The following IQSEC1 variants were observed in gnomAD, a reference collection of about 807,000 sequenced individuals.
IQSEC1 encodes IQ motif and Sec7 domain ArfGEF 1, also known as IQ motif and SEC7 domain-containing protein 1.
A neutral mutation model predicts 91.0 loss-of-function variants in IQSEC1; 31 were observed. The ratio of observed to expected loss-of-function variants is 0.34; its 90% CI spans 0.26 to 0.46. IQSEC1 has a LOEUF of 0.46. Ranked by LOEUF, IQSEC1 falls within the 20% of genes least tolerant of loss-of-function variation. The pLI, the probability that IQSEC1 is intolerant of heterozygous loss-of-function variation, is 1.00. For synonymous variants in IQSEC1, 699 were observed against 662.6 expected (o/e 1.05, Z -0.84); for missense variants, 1,388 against 1,575.6 (o/e 0.88, Z 2.02).
At chr3:12,954,549 A>G (rs1699777048) in intron 1 of IQSEC1, among the ~76,000 whole-genome samples, 1 of 152,122 alleles carries the variant, frequency 6.6e-6, no homozygotes, top group African/African-American at 2.4e-5. Flanking sequence ...TGCAGGGACC[A>G]TCTCCCCAGA....
chr3:13,081,857 T>C (rs1705651805), intron 2 of IQSEC1, among the ~76,000 whole-genome samples: 2 of 152,182 alleles, frequency 1.3e-5, no homozygotes, highest in African/African-American at 4.8e-5. Flanking sequence ...GGTCCTCCCG[T>C]TCACAGAGGG....
chr3:13,200,784 G>T (rs147537013), intron 1 of IQSEC1, among the ~76,000 whole-genome samples: 30 of 152,350 alleles, frequency 2.0e-4, no homozygotes, highest in African/African-American at 7.0e-4. Flanking sequence ...CTCTTGATCA[G>T]TTACTGCCTT....
intron 2 of IQSEC1, among the ~76,000 whole-genome samples, chr3:13,128,871 T>C (rs1158271410): frequency 3.4e-5 from 4 of 116,342 alleles, no homozygotes; most frequent in Non-Finnish European, 6.9e-5. Flanking sequence ...AGCAAGACTC[T>C]GTCTCAAAAA....
At chr3:13,208,872 G>T (rs1252477127) in intron 1 of IQSEC1, among the ~76,000 whole-genome samples, 1 of 152,200 alleles carries the variant, frequency 6.6e-6, no homozygotes, top group Non-Finnish European at 1.5e-5. Context: ...AGTGCCTGGG[G>T]GTTGCCCCGG....
chr3:13,190,566 A>G (rs1388669975), intron 1 of IQSEC1, among the ~76,000 whole-genome samples: 1 of 151,830 alleles, frequency 6.6e-6, no homozygotes, highest in East Asian at 1.9e-4. Context: ...AAAAAAAAAA[A>G]ACAGATAAAG....
intron 1 of IQSEC1, among the ~76,000 whole-genome samples, chr3:13,013,426 C>T (rs1702979855): frequency 6.6e-6 from 1 of 152,142 alleles, no homozygotes; most frequent in Non-Finnish European, 1.5e-5. Flanking sequence ...ATGAGCTCAC[C>T]CTTGCATGCA....
In IQSEC1 at chr3:12,936,293, G is replaced by A. The variant is rs146221387; in HGVS notation, c.723C>T (p.Asp241=). 1.2e-5 allele frequency: 20 copies of A among 1,613,198 alleles called. No homozygotes were observed. The highest frequency in any genetic ancestry group is 5.5e-5 in the South Asian group (5 of 91,034). ...RQVKSLAESI[D]DALNCRSLHT... is the part of the protein sequence containing the mutation. Reference sequence around the variant, plus strand: ...GCAGGCTGCGGCAGTTGAGGGCATCGTCGATGGACTCGGCCAGTGATTTCA... The same window carrying A: ...GCAGGCTGCGGCAGTTGAGGGCATCATCGATGGACTCGGCCAGTGATTTCA... The change falls in exon 3 of 14, where the codon GAC becomes GAT. Residue 241 remains aspartate (D), a synonymous_variant. Transcript: ENST00000613206.
rs1049115269 is a variant in IQSEC1, at chr3:13,193,185, C to G, written c.273-29052G>C. 6.6e-6 allele frequency among the ~76,000 whole-genome samples: 1 copy of G among 152,222 alleles called. No homozygotes were observed. The highest frequency in any genetic ancestry group is 6.5e-5 in the Admixed American group (1 of 15,286). On this transcript the variant is annotated intron_variant, in intron 1 of 15. Coordinates refer to the IQSEC1 transcript ENST00000648114. This position sits in a 1 kb window ranked among gnomAD's most constrained non-coding sequence, Gnocchi z 4.2. ...GCTCACACACAGAGCCTGCCCCATT[C>G]CCCGGACTCTCATGGGCATCTCTGC...
At chr3:12,965,349 TAG>T (rs569259396) in intron 1 of IQSEC1, among the ~76,000 whole-genome samples, 9 of 152,286 alleles carry the variant, frequency 5.9e-5, no homozygotes, top group South Asian at 2.1e-4. Context: ...CATCCGGGTT[TAG>T]AGAGGGGGAG....
intron 2 of IQSEC1, among the ~76,000 whole-genome samples, chr3:13,115,387 C>T (rs181143473): frequency 6.6e-6 from 1 of 152,290 alleles, no homozygotes; most frequent in South Asian, 2.1e-4. Flanking sequence ...TTGCTGTGTC[C>T]CTCTGGGGTC....
intron 1 of IQSEC1, among the ~76,000 whole-genome samples, chr3:13,208,853 C>T (rs1426308562): frequency 6.6e-6 from 1 of 152,240 alleles, no homozygotes; most frequent in Non-Finnish European, 1.5e-5. Context: ...GCTCACTGCC[C>T]TGCCGTGGAG....
chr3:13,084,678 G>A (rs982799234), intron 2 of IQSEC1, among the ~76,000 whole-genome samples: 1 of 152,186 alleles, frequency 6.6e-6, no homozygotes, highest in Non-Finnish European at 1.5e-5. Context: ...GCAGAACTGA[G>A]GACAGGGGAG....
intron 2 of IQSEC1, among the ~76,000 whole-genome samples, chr3:13,140,709 A>G (rs1706786239): frequency 6.6e-6 from 1 of 152,212 alleles, no homozygotes; most frequent in African/African-American, 2.4e-5. Flanking sequence ...GCTGAGTGAC[A>G]GATAAGCCCC....
chr3:13,131,717 C>T (rs1706624503), intron 2 of IQSEC1, among the ~76,000 whole-genome samples: 1 of 152,076 alleles, frequency 6.6e-6, no homozygotes, highest in Non-Finnish European at 1.5e-5. Context: ...GAACTCCTGA[C>T]CTCAGGTGAT....
At chr3:12,941,513 T>C in intron 2 of IQSEC1, 58 bp downstream of exon 2, 2 of 1,434,076 alleles carry the variant, frequency 1.4e-6, no homozygotes, top group East Asian at 2.5e-5. Flanking sequence ...GGGGCACACA[T>C]GGTGGGCAGA....
intron 1 of IQSEC1, among the ~76,000 whole-genome samples, chr3:13,276,461 TC>T (rs1196692488): frequency 6.6e-6 from 1 of 152,178 alleles, no homozygotes; most frequent in Non-Finnish European, 1.5e-5. Flanking sequence ...CACAGGCAAC[TC>T]CTGTATCTGC....
intron 1 of IQSEC1, among the ~76,000 whole-genome samples, chr3:13,189,776 G>A (rs1300713499): frequency 6.6e-6 from 1 of 152,140 alleles, no homozygotes; most frequent in Non-Finnish European, 1.5e-5. Flanking sequence ...AGGTCCTCCT[G>A]TTCCCCCAGG....
chr3:13,181,787 A>T (rs1693848889), intron 1 of IQSEC1, among the ~76,000 whole-genome samples: 1 of 152,174 alleles, frequency 6.6e-6, no homozygotes, highest in African/African-American at 2.4e-5. Flanking sequence ...TTTCTTTTGG[A>T]TATGTTTTGA....
In IQSEC1 at chr3:13,041,102, T is replaced by C. The variant is rs1007272795; in HGVS notation, c.23+31890A>G. Among the ~76,000 whole-genome samples, 7 of 152,260 alleles carry C rather than the reference T, an allele frequency of 4.6e-5. No homozygotes were observed. The East Asian group carries it at 1.3e-3, about 29-fold the overall frequency. On this transcript the variant is annotated intron_variant, in intron 1 of 13. Transcript: ENST00000613206. ...CACCTGCGCACAGGGGCTTTAATGC[T>C]TCTTTTGCAGGAGGGATGAGGATGA...
Sources: allele counts gnomAD v4.1 joint callset (sites outside exome capture counted in the v4.1 genomes callset), GRCh38; gene constraint gnomAD v4.1.1; non-coding constraint Gnocchi (gnomAD v3.1); transcripts MANE v1.5; gene names NCBI Gene and HGNC (gene_info 2026-07-23, HGNC 2026-07-21).